AKAP6: variants seen among roughly 807,000 people sequenced by gnomAD.
AKAP6 encodes A-kinase anchoring protein 6.
In AKAP6, 58 loss-of-function variants were observed where a neutral mutation model predicts 188.5. That is an observed-to-expected ratio of 0.31 (90% confidence interval 0.25 to 0.38). The LOEUF (loss-of-function observed/expected upper bound fraction) is 0.38. Among genes scored for constraint, AKAP6 ranks in the 10% least tolerant of loss-of-function variants. AKAP6 has a pLI of 1.00. For synonymous variants in AKAP6, 989 were observed against 998.6 expected (o/e 0.99, Z 0.18); for missense variants, 2,710 against 2,740.0 (o/e 0.99, Z 0.24).
chr14:32,371,221 A>G (rs555065862), intron 1 of AKAP6, among the ~76,000 whole-genome samples: 30 of 152,366 alleles, frequency 2.0e-4, no homozygotes, highest in South Asian at 8.3e-4. Flanking sequence ...GCTAGAACAC[A>G]CATATGTCAA....
intron 2 of AKAP6, among the ~76,000 whole-genome samples, chr14:32,475,409 C>A (rs1185549884): frequency 6.6e-6 from 1 of 152,158 alleles, no homozygotes; most frequent in Non-Finnish European, 1.5e-5. Flanking sequence ...TCCATTAATC[C>A]TTTTTAGTGA....
chr14:32,333,648 T>C (rs1198352450), intron 1 of AKAP6, among the ~76,000 whole-genome samples: 3 of 152,176 alleles, frequency 2.0e-5, no homozygotes, highest in Non-Finnish European at 1.5e-5. Flanking sequence ...AATAACTTTT[T>C]TTTTTCTTGC....
intron 7 of AKAP6, among the ~76,000 whole-genome samples, chr14:32,669,748 G>C (rs1450933920): frequency 2.0e-5 from 3 of 152,136 alleles, no homozygotes; most frequent in Non-Finnish European, 2.9e-5. Context: ...TGGCAGAAAG[G>C]AAAGTAAACA....
intron 8 of AKAP6, among the ~76,000 whole-genome samples, chr14:32,692,449 G>A (rs1485796276): frequency 2.0e-5 from 3 of 152,090 alleles, no homozygotes; most frequent in Non-Finnish European, 2.9e-5. Flanking sequence ...GAAGGGGAAG[G>A]CAATTAACAT....
Position 32,540,159 on chromosome 14 carries a change from TC to T in AKAP6, c.576+4355del, listed in dbSNP as rs1566563383. Among the ~76,000 whole-genome samples, 57 of 119,050 alleles carry T rather than the reference TC, an allele frequency of 4.8e-4. 1 individual carries two copies. Among genetic ancestry groups the T allele is most frequent in the African/African-American group, 1.8e-3 (49 of 27,262 alleles). 78.1% of individuals were successfully genotyped at this position (119,050 alleles called of 152,430 possible). On this transcript the variant is annotated intron_variant, in intron 3 of 13. Coordinates refer to ENST00000280979, the MANE Select transcript of AKAP6 (RefSeq NM_004274.5). ...CTCTCTCTCTCTCTCTCTCTCTCTC[TC>T]TCTCTCTCTATATATATATATATAT...
At chr14:32,697,961 C>T (rs1890469473) in intron 9 of AKAP6, among the ~76,000 whole-genome samples, 1 of 152,120 alleles carries the variant, frequency 6.6e-6, no homozygotes, top group Admixed American at 6.5e-5. Flanking sequence ...CGTCCTGTCA[C>T]CATTCTTCTG....
intron 9 of AKAP6, among the ~76,000 whole-genome samples, chr14:32,704,193 C>A (rs989090180): frequency 2.6e-5 from 4 of 152,048 alleles, no homozygotes; most frequent in Admixed American, 6.6e-5. Flanking sequence ...AATTAGTTGA[C>A]CTGTTTGGGA....
At chr14:32,671,312 C>A (rs1335018982) in intron 7 of AKAP6, among the ~76,000 whole-genome samples, 1 of 152,066 alleles carries the variant, frequency 6.6e-6, no homozygotes, top group African/African-American at 2.4e-5. Flanking sequence ...CTGACCACTG[C>A]ATGAGGAATG....
chr14:32,756,664 C>T lies in AKAP6; in HGVS notation c.3373-17014C>T, dbSNP rs542996256. ...CATAATGGCCTGGAGGCTATCTCTG[C>T]AGGAGCTAGCTTAGAGCCTAAGGCC... On this transcript the variant is annotated intron_variant, in intron 11 of 13. Transcript: ENST00000280979. Among the ~76,000 whole-genome samples, 26 of 152,262 alleles carry T rather than the reference C, an allele frequency of 1.7e-4. No individual in the cohort carries two copies. In the East Asian group the frequency reaches 5.0e-3, roughly 29 times the overall value.
In AKAP6 at chr14:32,545,906, A is replaced by T; in HGVS notation, c.1253A>T (p.Lys418Met). The change falls in exon 4 of 14, where the codon AAG becomes ATG. Residue 418 changes from lysine to methionine, a missense_variant. Transcript: ENST00000280979. ...GGAAAGAGGCAAATGGTTGATCTAA[A>T]GCCTGAGATGAGCAGAAGCACCCCT... is the stretch of plus-strand genomic sequence containing the variant. Reference protein sequence around the residue: ...NGGKRQMVDLKPEMSRSTPSL... With the variant: ...NGGKRQMVDLMPEMSRSTPSL... The T allele has an allele frequency of 1.9e-6, 3 of 1,614,206 alleles. No homozygotes were observed. Among genetic ancestry groups the T allele is most frequent in the Non-Finnish European group, 2.5e-6 (3 of 1,180,032 alleles).
intron 4 of AKAP6, among the ~76,000 whole-genome samples, chr14:32,557,799 TA>T (rs1883757371): frequency 1.3e-5 from 2 of 152,226 alleles, no homozygotes; most frequent in Non-Finnish European, 2.9e-5. Flanking sequence ...CTCTTCCTTT[TA>T]TCTTCTTTCC....
At chr14:32,368,940 A>T (rs558580830) in intron 1 of AKAP6, among the ~76,000 whole-genome samples, 1 of 152,106 alleles carries the variant, frequency 6.6e-6, no homozygotes, top group African/African-American at 2.4e-5. Context: ...TAAGCCACTG[A>T]AAGTGTTAAG....
chr14:32,420,548 C>T (rs535581161), intron 1 of AKAP6, among the ~76,000 whole-genome samples: 1 of 152,268 alleles, frequency 6.6e-6, no homozygotes, highest in South Asian at 2.1e-4. Context: ...TTTGGTTTCT[C>T]TCTGGAATTT....
intron 8 of AKAP6, among the ~76,000 whole-genome samples, chr14:32,684,273 T>C (rs17099434): frequency 0.27 from 40,430 of 152,008 alleles, 6,111 homozygotes; most frequent in East Asian, 0.58. Context: ...CAGGTGAACA[T>C]AACATTGTCT....
At chr14:32,803,289 AAAC>A (rs150750492) in intron 12 of AKAP6, among the ~76,000 whole-genome samples, 31,630 of 149,244 alleles carry the variant, frequency 0.21, 4,072 homozygotes, top group Non-Finnish European at 0.29. Flanking sequence ...ATAAAAAAAA[AAAC>A]AAAACAAATA....
intron 1 of AKAP6, among the ~76,000 whole-genome samples, chr14:32,399,894 T>C (rs1324647687): frequency 6.6e-6 from 1 of 152,250 alleles, no homozygotes; most frequent in Non-Finnish European, 1.5e-5. Flanking sequence ...TGCTGAGCCT[T>C]GGTTATGGTG....
At chr14:32,556,145 C>T (rs370266749) in intron 4 of AKAP6, among the ~76,000 whole-genome samples, 80 of 152,118 alleles carry the variant, frequency 5.3e-4, no homozygotes, top group African/African-American at 1.8e-3. Context: ...AAATAGTAGC[C>T]ATTGTAGTGG....
At chr14:32,368,433 G>A (rs759361489) in intron 1 of AKAP6, among the ~76,000 whole-genome samples, 2 of 152,180 alleles carry the variant, frequency 1.3e-5, no homozygotes, top group Non-Finnish European at 2.9e-5. Context: ...AGTATGATGA[G>A]TATTAGTCTA....
chr14:32,741,592 G>C (rs1038346045), intron 11 of AKAP6, among the ~76,000 whole-genome samples: 1 of 151,716 alleles, frequency 6.6e-6, no homozygotes, highest in Non-Finnish European at 1.5e-5. Context: ...ATTCTATCCA[G>C]TGCTTTTTCA....
Sources: gnomAD v4.1 joint callset for allele counts (sites outside exome capture counted in the v4.1 genomes callset) on GRCh38, gnomAD v4.1.1 for gene constraint, MANE v1.5 for transcripts, NCBI Gene and HGNC (gene_info 2026-07-23, HGNC 2026-07-21) for gene names.